Variants in TRPM3 observed in about 807,000 individuals in gnomAD.
TRPM3 encodes the protein long transient receptor potential channel 3.
TRPM3 carries 77 observed loss-of-function variants against 181.2 expected under a neutral mutation model. The observed-to-expected ratio is 0.42, with a 90% CI of 0.35 to 0.51. The LOEUF is 0.51. Among genes scored for constraint, TRPM3 ranks in the 20% least tolerant of loss-of-function variants. The pLI, the probability that TRPM3 is intolerant of heterozygous loss-of-function variation, is 0.01. For missense variants in TRPM3, 1,759 were observed against 2,196.7 expected (o/e 0.80, Z 3.98); for synonymous variants, 745 against 796.4 (o/e 0.94, Z 1.09).
At chr9:70,813,906 C>T (rs1157625150) in intron 6 of TRPM3, among the ~76,000 whole-genome samples, 9 of 152,150 alleles carry the variant, frequency 5.9e-5, no homozygotes, top group Non-Finnish European at 1.3e-4. Context: ...TACAATAGCA[C>T]TCAATCAACA....
At chr9:71,155,080 C>T (rs549605076) in intron 1 of TRPM3, among the ~76,000 whole-genome samples, 1 of 152,222 alleles carries the variant, frequency 6.6e-6, no homozygotes, top group South Asian at 2.1e-4. Context: ...AAGGCTTTAT[C>T]AAATAGTATT....
intron 1 of TRPM3, among the ~76,000 whole-genome samples, chr9:71,042,608 C>T (rs2058958277): frequency 6.6e-6 from 1 of 152,130 alleles, no homozygotes; most frequent in Admixed American, 6.5e-5. Context: ...CTCCAATTTC[C>T]TATGTCCAAG....
chr9:71,427,439 G>A (rs958053549), intron 1 of TRPM3, among the ~76,000 whole-genome samples: 7 of 151,996 alleles, frequency 4.6e-5, no homozygotes, highest in African/African-American at 7.3e-5. Flanking sequence ...TGCTAACATC[G>A]AGAACCACCA....
At chr9:71,137,175 T>G (rs1384057095) in intron 1 of TRPM3, among the ~76,000 whole-genome samples, 1 of 152,234 alleles carries the variant, frequency 6.6e-6, no homozygotes, top group Middle Eastern at 3.4e-3. Context: ...TATTTTGTGG[T>G]TTTCCTTTAA....
chr9:71,335,721 A>G (rs1408960269), intron 1 of TRPM3, among the ~76,000 whole-genome samples: 1 of 152,170 alleles, frequency 6.6e-6, no homozygotes, highest in Non-Finnish European at 1.5e-5. Context: ...TATATTGTTC[A>G]AATCTTCAAA....
intron 1 of TRPM3, among the ~76,000 whole-genome samples, chr9:71,032,055 ATATT>A (rs1170554219): frequency 0.83 from 46,017 of 55,666 alleles, 19,166 homozygotes; most frequent in African/African-American, 0.92. Flanking sequence ...TATATTATAT[ATATT>A]ATATATATTA....
intron 9 of TRPM3, among the ~76,000 whole-genome samples, chr9:70,663,429 T>C (rs976461285): frequency 6.6e-6 from 1 of 152,158 alleles, no homozygotes; most frequent in Non-Finnish European, 1.5e-5. Flanking sequence ...TGTTCAAAAA[T>C]TATGAATGAG....
intron 1 of TRPM3, among the ~76,000 whole-genome samples, chr9:71,050,948 G>A (rs1025252026): frequency 4.6e-5 from 7 of 152,186 alleles, no homozygotes; most frequent in Non-Finnish European, 5.9e-5. Flanking sequence ...CAATTGCCAA[G>A]GAAGACGTTG....
intron 1 of TRPM3, among the ~76,000 whole-genome samples, chr9:70,870,149 C>T (rs562871731): frequency 2.0e-5 from 3 of 151,988 alleles, no homozygotes; most frequent in Non-Finnish European, 4.4e-5. Context: ...TCTGTTAATG[C>T]GCCTAGTACG....
intron 6 of TRPM3, among the ~76,000 whole-genome samples, chr9:70,787,234 A>G (rs2083880506): frequency 6.6e-6 from 1 of 151,564 alleles, no homozygotes; most frequent in African/African-American, 2.4e-5. Flanking sequence ...TGATGAAAAC[A>G]AACGTATTAA....
intron 1 of TRPM3, among the ~76,000 whole-genome samples, chr9:71,062,091 C>A (rs1233316731): frequency 6.6e-6 from 1 of 152,072 alleles, no homozygotes; most frequent in East Asian, 1.9e-4. Flanking sequence ...CTAGAAATAT[C>A]TTCCGTGGTC....
At chr9:71,163,035 A>G (rs756118948) in intron 1 of TRPM3, among the ~76,000 whole-genome samples, 1 of 152,206 alleles carries the variant, frequency 6.6e-6, no homozygotes, top group Non-Finnish European at 1.5e-5. Context: ...GTGAAAGAAT[A>G]AATGTTAGGG....
At chr9:71,001,648 A>G (rs1334800023) in intron 1 of TRPM3, among the ~76,000 whole-genome samples, 4 of 152,228 alleles carry the variant, frequency 2.6e-5, no homozygotes, top group Admixed American at 2.0e-4. Flanking sequence ...TTGAGTCCCT[A>G]GCCTTGAAAA....
At chr9:71,407,957 T>C (rs112133783) in intron 1 of TRPM3, among the ~76,000 whole-genome samples, 3 of 152,252 alleles carry the variant, frequency 2.0e-5, no homozygotes, top group African/African-American at 7.2e-5. Flanking sequence ...CCCAGGCAAA[T>C]AGGGCCCGGA....
chr9:71,282,583 G>A (rs2084936041), intron 1 of TRPM3, among the ~76,000 whole-genome samples: 1 of 152,050 alleles, frequency 6.6e-6, no homozygotes, highest in African/African-American at 2.4e-5. Flanking sequence ...ATTTTTTTTA[G>A]AAGTCTGTTG....
chr9:71,002,526 T>G (rs1222355344), intron 1 of TRPM3, among the ~76,000 whole-genome samples: 1 of 152,214 alleles, frequency 6.6e-6, no homozygotes, highest in African/African-American at 2.4e-5. Context: ...TCCAGTATAT[T>G]GATCATTTTT....
At chr9:71,124,401 T>A (rs572676170), upstream of TRPM3, among the ~76,000 whole-genome samples, 12 of 152,194 alleles carry the variant, frequency 7.9e-5, no homozygotes, top group South Asian at 2.5e-3. Flanking sequence ...TGAATGTAGA[T>A]GTCTACATAT....
intron 15 of TRPM3, among the ~76,000 whole-genome samples, chr9:70,620,934 T>G (rs950616277): frequency 6.6e-6 from 1 of 150,854 alleles, no homozygotes; most frequent in African/African-American, 2.4e-5. Context: ...AAATAGGATT[T>G]TTTTTTGTTT....
At chr9:70,921,918 TACAC>T (rs10651774) in intron 1 of TRPM3, among the ~76,000 whole-genome samples, 4 of 140,134 alleles carry the variant, frequency 2.9e-5, no homozygotes, top group Admixed American at 1.4e-4. Flanking sequence ...GCAGCCACTA[TACAC>T]ACACACACAC....
Sources: allele counts gnomAD v4.1 joint callset (sites outside exome capture counted in the v4.1 genomes callset), GRCh38; gene constraint gnomAD v4.1.1; transcripts MANE v1.5; gene names NCBI Gene and HGNC (gene_info 2026-07-23, HGNC 2026-07-21).